The following MASP1 variants were observed in gnomAD, a reference collection of about 807,000 sequenced individuals.
MASP1 encodes MBL associated serine protease 1, also known as mannan-binding lectin serine protease 1.
A neutral mutation model predicts 77.1 loss-of-function variants in MASP1; 59 were observed. The ratio of observed to expected loss-of-function variants is 0.77; its 90% CI spans 0.62 to 0.95. MASP1 has a LOEUF of 0.95. Ranked by LOEUF, MASP1 falls within the 40% of genes least tolerant of loss-of-function variation. The probability of loss-of-function intolerance (pLI) is 0.00; values close to 1 mark genes in which losing one functional copy is unlikely to be tolerated. For missense variants in MASP1, 885 were observed against 912.9 expected, an observed-to-expected ratio of 0.97 and a Z score of 0.39; for synonymous variants, 362 against 354.5, an observed-to-expected ratio of 1.02 and a Z score of -0.24.
rs1273322090 is a variant in MASP1, at chr3:187,237,924, T to G, written c.1304-1357A>C. Among the ~76,000 whole-genome samples the G allele has an allele frequency of 2.0e-5, 3 of 152,362 alleles. No homozygotes were observed. In the East Asian group the frequency reaches 5.8e-4, roughly 29 times the overall value. On this transcript the variant is annotated intron_variant, in intron 10 of 10. Transcript: ENST00000296280. Reference sequence around the variant, plus strand: ...ACCTAATGCTTTTCAGATGCTCTTCTTCCTGAGGCCAGATGCTTCTTGCTT... The same window carrying G: ...ACCTAATGCTTTTCAGATGCTCTTCGTCCTGAGGCCAGATGCTTCTTGCTT...
At chr3:187,244,042 TC>T (rs1399343877) in intron 8 of MASP1, 1 of 240,950 alleles carries the variant, frequency 4.2e-6, no homozygotes, top group Non-Finnish European at 8.2e-6. Flanking sequence ...AACTAAATAA[TC>T]TTTTGTTCTT....
At position 187,280,821 on chromosome 3, in the gene MASP1, G is replaced by A. The variant is rs1053880241; in HGVS notation, c.237+5004C>T. ...ATGTAAATTCTAATACAAGCATGAT[G>A]TTGGCCAATCAACTGCCCTTCCCTG... On this transcript the variant is annotated intron_variant, in intron 2 of 10. Transcript: ENST00000296280. Among the ~76,000 whole-genome samples, 28 of 152,208 alleles carry A rather than the reference G, an allele frequency of 1.8e-4. 1 individual carries two copies. The highest frequency in any genetic ancestry group is 6.5e-5 in the Admixed American group (1 of 15,280).
chr3:187,220,485 C>CTT (rs1711983714), intron 15 of MASP1, among the ~76,000 whole-genome samples: 1 of 144,646 alleles, frequency 6.9e-6, no homozygotes, highest in Non-Finnish European at 1.5e-5. Flanking sequence ...TTTTCTTTTT[C>CTT]TTTTTTCTTT....
intron 2 of MASP1, among the ~76,000 whole-genome samples, chr3:187,281,857 A>G (rs945296376): frequency 6.6e-6 from 1 of 152,154 alleles, no homozygotes; most frequent in Admixed American, 6.5e-5. Context: ...CACATGGCAT[A>G]TTTGCGCTTT....
rs770002337 is a variant in MASP1 at position 187,253,180 on chromosome 3, A to T, written c.880T>A (p.Tyr294Asn). The T allele has an allele frequency of 6.2e-7, 1 of 1,613,998 alleles. No individual in the cohort carries two copies. Among genetic ancestry groups the T allele is most frequent in the Non-Finnish European group, 8.5e-7 (1 of 1,179,998 alleles). ...GGGAAGAGGTTACCTGCAGCCCTGT[A>T]TGAGAGCCTCCAGCCCCGGTTCTCT... ...SGENRGWRLS[Y>N]RAAGNECPEL... is the part of the protein sequence containing the mutation. The change falls in exon 6 of 11, where the codon TAC becomes AAC. Residue 294 changes from tyrosine to asparagine, a missense_variant. Physicochemically the swap from Tyr to Asn is moderately radical, Grantham distance 143. Coordinates refer to ENST00000296280, the MANE Select transcript of MASP1 (RefSeq NM_139125.4).
chr3:187,237,626 G>T (rs950165927), intron 10 of MASP1, among the ~76,000 whole-genome samples: 2 of 152,254 alleles, frequency 1.3e-5, no homozygotes, highest in Non-Finnish European at 2.9e-5. Context: ...CCCTGAGCAT[G>T]CACATGCACC....
chr3:187,286,183 C>T, intron 1 of MASP1, 127 bp from the exon 2 acceptor site: 1 of 750,286 alleles, frequency 1.3e-6, no homozygotes, highest in African/African-American at 1.7e-5. Context: ...TTAGCTTTCC[C>T]CTTCTGACCT....
intron 2 of MASP1, among the ~76,000 whole-genome samples, chr3:187,279,094 A>G (rs1291956194): frequency 1.3e-5 from 2 of 152,226 alleles, no homozygotes; most frequent in East Asian, 1.9e-4. Flanking sequence ...TTTAGACAGA[A>G]ATATACACTT....
At chr3:187,232,284 G>A (rs1712814023), downstream of MASP1, among the ~76,000 whole-genome samples, 1 of 134,404 alleles carries the variant, frequency 7.4e-6, no homozygotes, top group African/African-American at 2.8e-5. Context: ...CTTCCATGAT[G>A]CTGGTGTTTC....
At chr3:187,233,770 T>G (rs1453698806), downstream of MASP1, among the ~76,000 whole-genome samples, 1 of 152,184 alleles carries the variant, frequency 6.6e-6, no homozygotes, top group East Asian at 1.9e-4. Flanking sequence ...AATGTCACAT[T>G]GGGACTAGAG....
chr3:187,263,617 C>T (rs1279315819), intron 2 of MASP1, among the ~76,000 whole-genome samples: 1 of 152,192 alleles, frequency 6.6e-6, no homozygotes, highest in Non-Finnish European at 1.5e-5. Context: ...GTTTAATAGG[C>T]AGTCTTAATA....
intron 14 of MASP1, chr3:187,221,199 C>T: frequency 1.7e-6 from 2 of 1,162,408 alleles, no homozygotes; most frequent in South Asian, 1.3e-5. Flanking sequence ...TCTGACACCC[C>T]TGAAGACGGC....
chr3:187,228,070 G>T (rs1246109643), intron 11 of MASP1, among the ~76,000 whole-genome samples: 2 of 152,122 alleles, frequency 1.3e-5, no homozygotes, highest in African/African-American at 4.8e-5. Context: ...GTAGAGAAGT[G>T]AACGTCAAAC....
intron 2 of MASP1, among the ~76,000 whole-genome samples, chr3:187,271,336 G>A (rs1716502660): frequency 6.6e-6 from 1 of 152,038 alleles, no homozygotes; most frequent in African/African-American, 2.4e-5. Flanking sequence ...TCCAAATGTG[G>A]AAAAAAACTT....
At chr3:187,257,936 C>T (rs1333724283) in intron 4 of MASP1, among the ~76,000 whole-genome samples, 1 of 152,134 alleles carries the variant, frequency 6.6e-6, no homozygotes, top group Admixed American at 6.5e-5. Flanking sequence ...AGTTTGGACA[C>T]AACAACTGAC....
chr3:187,236,343 G>A lies in MASP1; in HGVS notation c.1528C>T (p.Pro510Ser). The A allele has an allele frequency of 6.2e-7, 1 of 1,614,250 alleles. No homozygotes were observed. Residue 510 changes from proline (P) to serine (S), a missense_variant, in exon 11 of 11, where the codon CCA becomes TCA. Pro to Ser is a moderately conservative substitution (Grantham distance 74). Transcript: ENST00000296280. ...ACGGTGACATGCTCCTTGGAGACTG[G>A]TATCACCGTGGTGTCTCTACGCTGG... ...RSQRRDTTVI[P>S]VSKEHVTVYL... is the part of the protein sequence containing the mutation.
rs569746459 is a variant in MASP1, at chr3:187,238,840, G to A, written c.1304-2273C>T. Among the ~76,000 whole-genome samples, 3 of 152,308 alleles carry A rather than the reference G, an allele frequency of 2.0e-5. No homozygotes were observed. The South Asian group carries it at 6.2e-4, about 32-fold the overall frequency. ...ATTTGCTTAGCAGGACCCCTGAAAT[G>A]GTGGGCCTTTTGACAATAGATGAGA... On this transcript the variant is annotated intron_variant, in intron 10 of 10. Transcript: ENST00000296280.
At chr3:187,225,227 C>T (rs1313908265) in intron 13 of MASP1, 1 of 1,383,382 alleles carries the variant, frequency 7.2e-7, no homozygotes, top group Non-Finnish European at 1.0e-6. Context: ...CAGACACTGT[C>T]AGCTGACTTA....
At chr3:187,263,835 G>A (rs1288896561) in intron 2 of MASP1, among the ~76,000 whole-genome samples, 2 of 152,180 alleles carry the variant, frequency 1.3e-5, no homozygotes, top group South Asian at 2.1e-4. Flanking sequence ...TGAGACAGGA[G>A]TTTGGGAAGC....
Sources: gnomAD v4.1 joint callset for allele counts (sites outside exome capture counted in the v4.1 genomes callset) on GRCh38, gnomAD v4.1.1 for gene constraint, MANE v1.5 for transcripts, NCBI Gene and HGNC (gene_info 2026-07-23, HGNC 2026-07-21) for gene names.